The following MOB3B variants were observed in gnomAD, a reference collection of about 807,000 sequenced individuals.
MOB3B encodes the protein MOB kinase activator-like 2B.
In MOB3B, 7 loss-of-function variants were observed where a neutral mutation model predicts 18.7. The ratio of observed to expected loss-of-function variants is 0.37; its 90% CI spans 0.21 to 0.70. The LOEUF (loss-of-function observed/expected upper bound fraction) is 0.70. MOB3B is among the 30% of genes least tolerant of loss of function. The pLI is 0.52. For synonymous variants in MOB3B, 111 were observed against 99.9 expected (o/e 1.11, Z -0.66); for missense variants, 253 against 281.3 (o/e 0.90, Z 0.72).
intron 2 of MOB3B, among the ~76,000 whole-genome samples, chr9:27,418,788 C>T (rs1822195500): frequency 6.6e-6 from 1 of 151,930 alleles, no homozygotes; most frequent in Non-Finnish European, 1.5e-5. Context: ...CAAGAATGCC[C>T]ACTCTCACCA....
intron 1 of MOB3B, among the ~76,000 whole-genome samples, chr9:27,463,228 A>G (rs1563874946): frequency 6.6e-6 from 1 of 152,190 alleles, no homozygotes; most frequent in Non-Finnish European, 1.5e-5. Flanking sequence ...TAACAATGGT[A>G]TTTATTAAGG....
At chr9:27,368,522 C>T (rs1240405624) in intron 2 of MOB3B, among the ~76,000 whole-genome samples, 2 of 152,100 alleles carry the variant, frequency 1.3e-5, no homozygotes, top group Non-Finnish European at 2.9e-5. Flanking sequence ...GTTCGTCATG[C>T]CAAGGAAAAC....
intron 2 of MOB3B, among the ~76,000 whole-genome samples, chr9:27,383,623 A>G (rs1174502417): frequency 6.6e-6 from 1 of 152,166 alleles, no homozygotes; most frequent in African/African-American, 2.4e-5. Flanking sequence ...TAGAGGGATA[A>G]CTAGTCCTAG....
chr9:27,481,496 AGTTTTTTTTTTTTTGTTTTTTTT>A (rs1228623606), intron 1 of MOB3B, among the ~76,000 whole-genome samples: 102 of 97,254 alleles, frequency 1.0e-3, no homozygotes, highest in Admixed American at 3.3e-3. Flanking sequence ...TAAGGAAGGT[AGTTTTTTTTTTTTTGTTTTTTTT>A]GTTTTTTTTT....
chr9:27,351,980 C>T (rs1032923521), intron 3 of MOB3B, among the ~76,000 whole-genome samples: 1 of 152,122 alleles, frequency 6.6e-6, no homozygotes, highest in African/African-American at 2.4e-5. Context: ...CCAAGAGGCA[C>T]CTACACACTG....
chr9:27,357,274 C>T (rs949600668), intron 3 of MOB3B, among the ~76,000 whole-genome samples: 1 of 149,914 alleles, frequency 6.7e-6, no homozygotes, highest in African/African-American at 2.5e-5. Flanking sequence ...TTAAACATAT[C>T]TTTTATTTTT....
intron 2 of MOB3B, among the ~76,000 whole-genome samples, chr9:27,435,454 G>C (rs1822485204): frequency 6.6e-6 from 1 of 152,088 alleles, no homozygotes; most frequent in Non-Finnish European, 1.5e-5. Flanking sequence ...TTTTCTCCAT[G>C]ACACTGGGCA....
chr9:27,468,415 C>T (rs1238419452), intron 1 of MOB3B, among the ~76,000 whole-genome samples: 1 of 152,170 alleles, frequency 6.6e-6, no homozygotes, highest in Non-Finnish European at 1.5e-5. Context: ...AAGGCCTCTC[C>T]CTTGCCCAGC....
chr9:27,384,411 T>A (rs6475994), intron 2 of MOB3B, among the ~76,000 whole-genome samples: 33,277 of 151,978 alleles, frequency 0.22, 4,626 homozygotes, highest in East Asian at 0.65. Flanking sequence ...ACTGAGGAGA[T>A]CCTGTTATTT....
At chr9:27,522,457 A>G (rs1409909057) in intron 1 of MOB3B, among the ~76,000 whole-genome samples, 1 of 149,386 alleles carries the variant, frequency 6.7e-6, no homozygotes, top group Non-Finnish European at 1.5e-5. Context: ...GCATATGTCT[A>G]TATTTAACAA....
Position 27,455,592 on chromosome 9 carries a change from G to C in MOB3B, c.-42C>G. Reference sequence around the variant, plus strand: ...TCCTTTCTTTTGCAGGAAGCGAAAAGGCACCTGGAACTTTTCAGGGAGAGA... The same window carrying C: ...TCCTTTCTTTTGCAGGAAGCGAAAACGCACCTGGAACTTTTCAGGGAGAGA... On this transcript the variant is annotated 5_prime_UTR_variant, in exon 2 of 4. Transcript: ENST00000262244. The C allele has an allele frequency of 6.2e-7, 1 of 1,611,920 alleles. No individual in the cohort carries two copies. Among genetic ancestry groups the C allele is most frequent in the Non-Finnish European group, 8.5e-7 (1 of 1,179,616 alleles).
intron 2 of MOB3B, among the ~76,000 whole-genome samples, chr9:27,391,463 T>A (rs1199382655): frequency 5.9e-5 from 9 of 152,240 alleles, no homozygotes; most frequent in Admixed American, 5.9e-4. Context: ...AATCCCGTCA[T>A]GTAATGAGTT....
In MOB3B at chr9:27,523,012, G is replaced by C. The variant is rs139064816; in HGVS notation, c.-199+6543C>G. On this transcript the variant is annotated intron_variant, in intron 1 of 3. Transcript: ENST00000262244. ...CAATTAGCCTTTGGTGCAGTCAACT[G>C]ATTTAGACAAGAACTTTTTAAGCCA... Among the ~76,000 whole-genome samples the C allele has an allele frequency of 4.7e-3, 709 of 152,166 alleles. 5 individuals carry two copies. The highest frequency in any genetic ancestry group is 0.015 in the African/African-American group (637 of 41,506).
intron 3 of MOB3B, among the ~76,000 whole-genome samples, chr9:27,335,665 A>G (rs1176434389): frequency 6.6e-6 from 1 of 152,162 alleles, no homozygotes; most frequent in African/African-American, 2.4e-5. Flanking sequence ...AACGATTTCC[A>G]TACACATGCT....
intron 2 of MOB3B, among the ~76,000 whole-genome samples, chr9:27,398,757 A>C (rs1821835944): frequency 6.6e-6 from 1 of 152,238 alleles, no homozygotes; most frequent in African/African-American, 2.4e-5. Context: ...ATAAATAGTT[A>C]CATATAATCA....
intron 2 of MOB3B, among the ~76,000 whole-genome samples, chr9:27,409,770 A>G (rs1822036192): frequency 6.6e-6 from 1 of 152,248 alleles, no homozygotes; most frequent in African/African-American, 2.4e-5. Context: ...AGGAAATTAT[A>G]TACTTATGAC....
At chr9:27,462,888 C>T (rs796404883) in intron 1 of MOB3B, among the ~76,000 whole-genome samples, 4 of 152,094 alleles carry the variant, frequency 2.6e-5, no homozygotes, top group African/African-American at 9.7e-5. Context: ...ACTGGAAATT[C>T]GAAAATACAG....
intron 2 of MOB3B, among the ~76,000 whole-genome samples, chr9:27,449,984 T>TAA (rs35983173): frequency 6.9e-4 from 80 of 115,638 alleles, no homozygotes; most frequent in Middle Eastern, 4.2e-3. Flanking sequence ...TCTCAAAAAT[T>TAA]AAAAAAAAAA....
intron 1 of MOB3B, among the ~76,000 whole-genome samples, chr9:27,490,598 G>A (rs1372655233): frequency 6.6e-6 from 1 of 152,176 alleles, no homozygotes; most frequent in African/African-American, 2.4e-5. Context: ...GAAAGCACCT[G>A]TTCTCTTGGG....
Sources: gnomAD v4.1 joint callset for allele counts (sites outside exome capture counted in the v4.1 genomes callset) on GRCh38, gnomAD v4.1.1 for gene constraint, MANE v1.5 for transcripts, NCBI Gene and HGNC (gene_info 2026-07-23, HGNC 2026-07-21) for gene names.